VPS13B: variants seen among roughly 807,000 people sequenced by gnomAD.
VPS13B encodes vacuolar protein sorting 13 homolog B, also known as intermembrane lipid transfer protein VPS13B.
In VPS13B, 285 loss-of-function variants were observed where a neutral mutation model predicts 426.4. The observed-to-expected ratio is 0.67, with a 90% CI of 0.61 to 0.74. VPS13B has a LOEUF of 0.74. VPS13B is among the 30% of genes least tolerant of loss of function. The pLI, the probability that VPS13B is intolerant of heterozygous loss-of-function variation, is 0.00. For missense variants in VPS13B, 4,537 were observed against 4,782.6 expected, an observed-to-expected ratio of 0.95 and a Z score of 1.51; for synonymous variants, 1,676 against 1,676.4, an observed-to-expected ratio of 1.00 and a Z score of 0.01.
chr8:99,543,906 G>A (rs1273676934), intron 30 of VPS13B, among the ~76,000 whole-genome samples: 10 of 139,074 alleles, frequency 7.2e-5, no homozygotes, highest in African/African-American at 2.2e-4. Context: ...TCAGTGTGGC[G>A]ATTCCTCAGG....
Position 99,235,700 on chromosome 8 carries a change from A to G in VPS13B, c.2516-38498A>G, listed in dbSNP as rs138803543. Among the ~76,000 whole-genome samples, 255 of 152,326 alleles carry G rather than the reference A, an allele frequency of 1.7e-3. 1 individual carries two copies. The highest frequency in any genetic ancestry group is 6.0e-3 in the African/African-American group (250 of 41,582). On this transcript the variant is annotated intron_variant, in intron 17 of 61. Transcript: ENST00000357162. ...TTATTTTCTTCTTAAGTGATGCGTTACATTAAATCCACTGAAGTACTTTTC... is the reference window on the plus strand; with the variant it reads ...TTATTTTCTTCTTAAGTGATGCGTTGCATTAAATCCACTGAAGTACTTTTC...
intron 17 of VPS13B, among the ~76,000 whole-genome samples, chr8:99,263,994 G>T (rs1818178513): frequency 6.6e-6 from 1 of 152,060 alleles, no homozygotes; most frequent in African/African-American, 2.4e-5. Flanking sequence ...GTATGTATGA[G>T]TTAGAATATG....
At chr8:99,580,709 G>A (rs1019518130) in intron 33 of VPS13B, among the ~76,000 whole-genome samples, 1 of 151,580 alleles carries the variant, frequency 6.6e-6, no homozygotes, top group African/African-American at 2.4e-5. Flanking sequence ...AAAATTAGTT[G>A]CATGTGGTGG....
intron 43 of VPS13B, among the ~76,000 whole-genome samples, chr8:99,804,642 A>T (rs929802024): frequency 6.6e-6 from 1 of 152,160 alleles, no homozygotes; most frequent in Admixed American, 6.6e-5. Context: ...ACAAATATTT[A>T]TTGAATGCCT....
chr8:99,705,025 G>A (rs974633182), intron 36 of VPS13B, among the ~76,000 whole-genome samples: 32 of 152,144 alleles, frequency 2.1e-4, no homozygotes, highest in Non-Finnish European at 3.7e-4. Context: ...ATGGCCTACC[G>A]TCCGTGAAAC....
At chr8:99,516,023 T>G (rs1441831544) in intron 29 of VPS13B, among the ~76,000 whole-genome samples, 1 of 152,204 alleles carries the variant, frequency 6.6e-6, no homozygotes, top group African/African-American at 2.4e-5. Flanking sequence ...TATCTTTACT[T>G]ATAATTGTAC....
chr8:99,587,822 T>G (rs1826385878), intron 33 of VPS13B, among the ~76,000 whole-genome samples: 1 of 151,856 alleles, frequency 6.6e-6, no homozygotes, highest in Non-Finnish European at 1.5e-5. Flanking sequence ...GCCCTTTAGT[T>G]TAATTAGATC....
chr8:99,089,649 G>C (rs1846037701), intron 3 of VPS13B, among the ~76,000 whole-genome samples: 1 of 152,122 alleles, frequency 6.6e-6, no homozygotes, highest in South Asian at 2.1e-4. Flanking sequence ...GGATTGTGGA[G>C]AACAAAGTTC....
In VPS13B at chr8:99,859,390, C is replaced by T; in HGVS notation, c.10954C>T (p.Leu3652Phe). 5 of 1,614,112 alleles carry T rather than the reference C, an allele frequency of 3.1e-6. No homozygotes were observed. The highest frequency in any genetic ancestry group is 4.5e-5 in the East Asian group (2 of 44,866). The change falls in exon 57 of 62, where the codon CTT (leucine) becomes TTT (phenylalanine). Residue 3652 changes from leucine (L) to phenylalanine (F), a missense_variant. By Grantham distance (22) the Leu-to-Phe change is conservative (BLOSUM62 0). This residue lies in a region of VPS13B where 4,311 missense variants were observed against 4,474.3 expected (regional missense o/e 0.96). Transcript: ENST00000357162. Reference protein sequence around the residue: ...IGNGVADFFRLPYEGLTRGPG... With the variant: ...IGNGVADFFRFPYEGLTRGPG... ...GAACGGGGTCGCCGACTTCTTCAGG[C>T]TTCCGTATGAGGGGCTGACCCGGGG...
At chr8:99,021,828 G>T (rs1841908134) in intron 2 of VPS13B, among the ~76,000 whole-genome samples, 4 of 152,050 alleles carry the variant, frequency 2.6e-5, no homozygotes, top group Non-Finnish European at 5.9e-5. Context: ...TCCCAGGCCA[G>T]TCTCAAACTC....
At chr8:99,217,188 G>T (rs1234692323) in intron 17 of VPS13B, among the ~76,000 whole-genome samples, 1 of 152,024 alleles carries the variant, frequency 6.6e-6, no homozygotes, top group Admixed American at 6.6e-5. Flanking sequence ...ATTTATAATA[G>T]TAACAATAAT....
intron 15 of VPS13B, among the ~76,000 whole-genome samples, chr8:99,158,915 T>C (rs917672021): frequency 1.3e-5 from 2 of 152,212 alleles, no homozygotes; most frequent in South Asian, 2.1e-4. Flanking sequence ...TTAAGAAATA[T>C]ATTTTGTAAG....
At chr8:99,216,950 A>G (rs371667096) in intron 17 of VPS13B, among the ~76,000 whole-genome samples, 24 of 152,214 alleles carry the variant, frequency 1.6e-4, no homozygotes, top group African/African-American at 5.3e-4. Context: ...TGGTCCTACA[A>G]ATTTAAACTT....
intron 19 of VPS13B, among the ~76,000 whole-genome samples, chr8:99,338,720 G>A (rs952199714): frequency 2.0e-5 from 3 of 152,006 alleles, no homozygotes; most frequent in East Asian, 1.9e-4. Context: ...TCTCTCAATC[G>A]TTTATATGTT....
chr8:99,456,314 G>A (rs1049887325), intron 23 of VPS13B, among the ~76,000 whole-genome samples: 1 of 151,870 alleles, frequency 6.6e-6, no homozygotes, highest in Non-Finnish European at 1.5e-5. Flanking sequence ...GATTACAGGC[G>A]TGCACCACTA....
chr8:99,041,777 C>G (rs527653350), intron 3 of VPS13B, among the ~76,000 whole-genome samples: 3 of 151,368 alleles, frequency 2.0e-5, no homozygotes, highest in Non-Finnish European at 2.9e-5. Flanking sequence ...GGCATGAACC[C>G]GCGAGGTGGA....
intron 21 of VPS13B, among the ~76,000 whole-genome samples, chr8:99,423,423 ATTT>A (rs202230044): frequency 7.2e-6 from 1 of 138,402 alleles, no homozygotes; most frequent in Non-Finnish European, 1.6e-5. Flanking sequence ...CATCTAGCTA[ATTT>A]TTTTTTTTTT....
intron 3 of VPS13B, among the ~76,000 whole-genome samples, chr8:99,086,140 T>C (rs1845773193): frequency 6.6e-6 from 1 of 152,214 alleles, no homozygotes; most frequent in African/African-American, 2.4e-5. Flanking sequence ...CCATATTTCT[T>C]GGAGGCTTTG....
intron 8 of VPS13B, among the ~76,000 whole-genome samples, chr8:99,130,485 T>C (rs1809724220): frequency 6.6e-6 from 1 of 151,798 alleles, no homozygotes; most frequent in South Asian, 2.1e-4. Context: ...CCTCCCGGGT[T>C]CACGCCATTC....
Sources: allele counts gnomAD v4.1 joint callset (sites outside exome capture counted in the v4.1 genomes callset), GRCh38; gene constraint gnomAD v4.1.1; regional missense constraint gnomAD v4.1.1; transcripts MANE v1.5; gene names NCBI Gene and HGNC (gene_info 2026-07-23, HGNC 2026-07-21).